Variants in TSHZ2 observed in about 807,000 individuals in gnomAD.
The protein encoded by TSHZ2 is teashirt homolog 2.
In TSHZ2, 21 loss-of-function variants were observed where a neutral mutation model predicts 74.4. The observed-to-expected ratio is 0.28, with a 90% CI of 0.20 to 0.41. The LOEUF (loss-of-function observed/expected upper bound fraction) is 0.41. TSHZ2 is among the 10% of genes least tolerant of loss of function. The pLI is 1.00. For missense variants in TSHZ2, 1,244 were observed against 1,293.5 expected, an observed-to-expected ratio of 0.96 and a Z score of 0.59; for synonymous variants, 540 against 515.3, an observed-to-expected ratio of 1.05 and a Z score of -0.65.
In TSHZ2 at chr20:53,492,068, CAAAAAAA is replaced by C. The variant is rs11472377; in HGVS notation, c.*4943_*4949del. On this transcript the variant is annotated 3_prime_UTR_variant, in exon 3 of 3. Transcript: ENST00000371497. ...TCAAAAAATTTGAACAAAGGCATTA[CAAAAAAA>C]AAAAAAAAACTAACCACTCCATTCA... 2 of 118,856 alleles carry C rather than the reference CAAAAAAA, an allele frequency of 1.7e-5. No homozygotes were observed. The highest frequency in any genetic ancestry group is 6.2e-5 in the African/African-American group (2 of 32,330). The allele number at this position is 118,856 out of a possible 1,614,324, so 7.4% of individuals were successfully genotyped here.
At chr20:53,390,806 C>T (rs1245460810) in intron 2 of TSHZ2, among the ~76,000 whole-genome samples, 2 of 152,174 alleles carry the variant, frequency 1.3e-5, no homozygotes, top group Non-Finnish European at 2.9e-5. Context: ...TCCTCTCCAG[C>T]ATCTGTTGTT....
Position 53,119,512 on chromosome 20 carries a change from C to T in TSHZ2, c.41-133987C>T, listed in dbSNP as rs562100922. ...GAGAGTCCAGCGCTATGCTGCCCAG[C>T]ATGGTAACGATGAACACATATGACT... is the stretch of plus-strand genomic sequence containing the variant. On this transcript the variant is annotated intron_variant, in intron 1 of 2. Coordinates refer to ENST00000371497, the MANE Select transcript of TSHZ2 (RefSeq NM_173485.6). 7.9e-5 allele frequency among the ~76,000 whole-genome samples: 12 copies of T among 152,282 alleles called. No homozygotes were observed. The South Asian group carries it at 1.4e-3, about 18-fold the overall frequency.
chr20:53,220,359 T>A (rs555420133), intron 1 of TSHZ2, among the ~76,000 whole-genome samples: 7 of 152,278 alleles, frequency 4.6e-5, no homozygotes, highest in African/African-American at 1.7e-4. Context: ...GCTTTAAGAG[T>A]TTGAGCACTG....
intron 2 of TSHZ2, among the ~76,000 whole-genome samples, chr20:53,360,714 T>A (rs745680924): frequency 6.6e-6 from 1 of 152,224 alleles, no homozygotes; most frequent in Admixed American, 6.5e-5. Flanking sequence ...TATCCCCATT[T>A]TTCAGATGGG....
intron 1 of TSHZ2, among the ~76,000 whole-genome samples, chr20:53,122,726 G>T (rs1466777600): frequency 1.3e-5 from 2 of 152,120 alleles, no homozygotes; most frequent in African/African-American, 4.8e-5. Flanking sequence ...TGGTATCACG[G>T]CTACCTAGAC....
chr20:53,312,960 T>C (rs1369904118), intron 2 of TSHZ2, among the ~76,000 whole-genome samples: 1 of 152,222 alleles, frequency 6.6e-6, no homozygotes, highest in Non-Finnish European at 1.5e-5. Flanking sequence ...TGTTATCCCA[T>C]CTGGTTGTAA....
At chr20:53,180,915 C>A (rs1212723993) in intron 1 of TSHZ2, among the ~76,000 whole-genome samples, 2 of 152,148 alleles carry the variant, frequency 1.3e-5, no homozygotes, top group Non-Finnish European at 2.9e-5. Context: ...ATCCCATGAT[C>A]TCCTATCCAC....
At chr20:53,472,280 G>A (rs1447500395) in intron 2 of TSHZ2, among the ~76,000 whole-genome samples, 1 of 152,212 alleles carries the variant, frequency 6.6e-6, no homozygotes, top group Non-Finnish European at 1.5e-5. Context: ...TGAATTGTGT[G>A]CACAATTGCA....
intron 2 of TSHZ2, among the ~76,000 whole-genome samples, chr20:53,464,109 GA>G (rs1435293612): frequency 1.3e-5 from 2 of 152,168 alleles, no homozygotes; most frequent in Non-Finnish European, 2.9e-5. Context: ...CAAGTCAACA[GA>G]AAAGTTCACC....
At chr20:53,282,369 C>G (rs765368919) in intron 2 of TSHZ2, among the ~76,000 whole-genome samples, 8 of 152,218 alleles carry the variant, frequency 5.3e-5, no homozygotes. Context: ...TCTGGCTTAG[C>G]CTTTCATATG....
At chr20:53,271,730 A>G (rs992046989) in intron 2 of TSHZ2, among the ~76,000 whole-genome samples, 3 of 152,338 alleles carry the variant, frequency 2.0e-5, no homozygotes, top group Non-Finnish European at 2.9e-5. Context: ...CGGCAAGAGT[A>G]AAGTCTTGTT....
chr20:53,344,726 A>C (rs187347113), intron 2 of TSHZ2, among the ~76,000 whole-genome samples: 2 of 152,048 alleles, frequency 1.3e-5, no homozygotes, highest in African/African-American at 4.8e-5. Flanking sequence ...ATGCATGTTG[A>C]TATGTATATA....
At chr20:53,016,922 GGGGGCTTGC>G (rs1341207285) in intron 1 of TSHZ2, among the ~76,000 whole-genome samples, 3 of 152,098 alleles carry the variant, frequency 2.0e-5, no homozygotes, top group African/African-American at 7.2e-5. Flanking sequence ...GTTGCAGGTG[GGGGGCTTGC>G]TTGTTTTCAT....
chr20:53,293,590 G>A (rs1034586820), intron 2 of TSHZ2, among the ~76,000 whole-genome samples: 3 of 152,046 alleles, frequency 2.0e-5, no homozygotes, highest in African/African-American at 7.2e-5. Flanking sequence ...CTTTGAGAAG[G>A]GGGAAGGCAA....
intron 2 of TSHZ2, among the ~76,000 whole-genome samples, chr20:53,317,514 C>G (rs772489983): frequency 3.9e-5 from 6 of 152,260 alleles, no homozygotes; most frequent in African/African-American, 9.6e-5. Context: ...TCCTCTCCCC[C>G]ACCCCAGAAG....
At chr20:53,465,924 C>G (rs1030598441) in intron 2 of TSHZ2, among the ~76,000 whole-genome samples, 1 of 144,068 alleles carries the variant, frequency 6.9e-6, no homozygotes, top group Non-Finnish European at 1.5e-5. Flanking sequence ...GACACAACCA[C>G]AAACATCGCC....
At chr20:53,077,275 G>T (rs1985395156) in intron 1 of TSHZ2, among the ~76,000 whole-genome samples, 1 of 151,840 alleles carries the variant, frequency 6.6e-6, no homozygotes, top group East Asian at 1.9e-4. Flanking sequence ...AAATAGCATG[G>T]TGGCGTGTGC....
intron 1 of TSHZ2, among the ~76,000 whole-genome samples, chr20:53,027,448 G>A (rs1983485530): frequency 6.6e-6 from 1 of 152,150 alleles, no homozygotes; most frequent in African/African-American, 2.4e-5. Flanking sequence ...CATTTGTCAA[G>A]GAAAATGATG....
intron 1 of TSHZ2, among the ~76,000 whole-genome samples, chr20:53,125,548 G>A (rs1986925438): frequency 6.6e-6 from 1 of 152,106 alleles, no homozygotes; most frequent in Admixed American, 6.6e-5. Flanking sequence ...AAATGGCCTG[G>A]CTTCCTACCT....
Sources: allele counts gnomAD v4.1 joint callset (sites outside exome capture counted in the v4.1 genomes callset), GRCh38; gene constraint gnomAD v4.1.1; transcripts MANE v1.5; gene names NCBI Gene and HGNC (gene_info 2026-07-23, HGNC 2026-07-21).